The following PLXNB1 variants were observed in gnomAD, a reference collection of about 807,000 sequenced individuals.
PLXNB1 encodes the protein plexin B1.
Under a neutral mutation model 209.4 loss-of-function variants are expected in PLXNB1, and 106 were observed. The observed-to-expected ratio is 0.51, with a 90% confidence interval of 0.43 to 0.59. PLXNB1 has a LOEUF of 0.59. Among genes scored for constraint, PLXNB1 ranks in the 20% least tolerant of loss-of-function variants. The pLI, the probability that PLXNB1 is intolerant of heterozygous loss-of-function variation, is 0.00. For missense variants in PLXNB1, 2,357 were observed against 2,853.2 expected (o/e 0.83, Z 3.96); for synonymous variants, 1,167 against 1,183.2 (o/e 0.99, Z 0.28).
chr3:48,418,385 G>GT lies in PLXNB1; in HGVS notation c.3050-23dup. On this transcript the variant is annotated intron_variant, in intron 14 of 37. Transcript: ENST00000296440. The surrounding 1 kb of genome is among the most constrained non-coding windows in gnomAD (Gnocchi z 6.6). ...ACCACTGGGGGTGGCAGAGACACAC[G>GT]TGAGAGGCAGGCCTGGGAGAGCCCT... is the stretch of plus-strand genomic sequence containing the variant. The GT allele has an allele frequency of 6.2e-7, 1 of 1,613,568 alleles. No individual in the cohort carries two copies. Among genetic ancestry groups the GT allele is most frequent in the Non-Finnish European group, 8.5e-7 (1 of 1,179,994 alleles).
At position 48,424,432 on chromosome 3, in the gene PLXNB1, A is replaced by T; in HGVS notation, c.180T>A (p.Pro60=). The change falls in exon 3 of 38, where the codon CCT becomes CCA. Residue 60 remains proline (P), a synonymous_variant. Transcript: ENST00000296440. ...GATNFLFQLS[P]GLQLEATVST... ...ACACTGTGGCCTCCAGCTGCAGCCC[A>T]GGGCTCAGCTGGAACAGGAAGTTGG... The T allele has an allele frequency of 6.3e-7, 1 of 1,578,294 alleles. No individual in the cohort carries two copies. Among genetic ancestry groups the T allele is most frequent in the Non-Finnish European group, 8.6e-7 (1 of 1,161,624 alleles).
rs1320735700 is a variant in PLXNB1, at chr3:48,418,815, A to G, written c.2955+102T>C. 5.2e-5 allele frequency: 76 copies of G among 1,448,376 alleles called. No homozygotes were observed. Among genetic ancestry groups the G allele is most frequent in the Non-Finnish European group, 7.1e-5 (74 of 1,046,084 alleles). 89.7% of individuals were successfully genotyped at this position (1,448,376 alleles called of 1,614,324 possible). On this transcript the variant is annotated intron_variant, in intron 13 of 37. Transcript: ENST00000296440. This position sits in a 1 kb window ranked among gnomAD's most constrained non-coding sequence, Gnocchi z 6.6. ...GAGACTCCCTCAGGGCGACACGGTC[A>G]GAGCGTGGCTCTGGAAAGTGTGGTG...
chr3:48,425,048 A>C (rs1040109090), intron 2 of PLXNB1, among the ~76,000 whole-genome samples: 1 of 152,138 alleles, frequency 6.6e-6, no homozygotes, highest in African/African-American at 2.4e-5. Flanking sequence ...AAGGAAGGAG[A>C]GGGAGGTCTC....
At position 48,422,905 on chromosome 3, in the gene PLXNB1, T is replaced by C. The variant is rs765726123; in HGVS notation, c.1150A>G (p.Ser384Gly). Residue 384 changes from serine to glycine, a missense_variant, in exon 4 of 38, where the codon AGC (serine) becomes GGC (glycine). Physicochemically the swap from Ser to Gly is moderately conservative, Grantham distance 56. This residue lies in a region of PLXNB1 where 404 missense variants were observed against 443.6 expected (regional missense o/e 0.91). Coordinates refer to ENST00000296440, the MANE Select transcript of PLXNB1 (RefSeq NM_001130082.3). ...AYPCGSDHTP[S>G]PMASRVPLEA... ...AGCGGGACCCGGCTGGCCATGGGGC[T>C]GGGCGTGTGGTCTGAGCCACAGGGA... 6.2e-7 allele frequency: 1 copy of C among 1,614,086 alleles called. No homozygotes were observed. Among genetic ancestry groups the C allele is most frequent in the East Asian group, 2.2e-5 (1 of 44,880 alleles).
In PLXNB1 at chr3:48,412,786, C is replaced by T. The variant is rs1332068017; in HGVS notation, c.4810G>A (p.Gly1604Arg). ...SRRPTVEQGL[G>R]QLSNLLNSKL... Reference sequence around the variant, plus strand: ...CTGTTGAGCAGGTTAGAGAGCTGCCCCAGCCCTTGCTCCACAGTGGGCCGT... The same window carrying T: ...CTGTTGAGCAGGTTAGAGAGCTGCCTCAGCCCTTGCTCCACAGTGGGCCGT... The change falls in exon 25 of 38, where the codon GGG becomes AGG. Residue 1604 changes from glycine to arginine, a missense_variant. This residue lies in a region of PLXNB1 where 743 missense variants were observed against 896.2 expected (regional missense o/e 0.83). Transcript: ENST00000296440. 6.2e-6 allele frequency: 10 copies of T among 1,613,618 alleles called. No individual in the cohort carries two copies. Among genetic ancestry groups the T allele is most frequent in the Non-Finnish European group, 7.6e-6 (9 of 1,180,038 alleles).
rs138777977 is a variant in PLXNB1 at position 48,407,222 on chromosome 3, C to T, written c.6088-131G>A. The T allele has an allele frequency of 1.5e-3, 1,193 of 795,192 alleles. 10 individuals are homozygous for T. The African/African-American group carries it at 0.018, about 12-fold the overall frequency. The allele number at this position is 795,192 out of a possible 1,614,324, so 49.3% of individuals were successfully genotyped here. ...AGGAAAAGTCTCACATCCCAGGAAG[C>T]CCCTGAGTCCCGGAAAACCAGGACA... On this transcript the variant is annotated intron_variant, in intron 34 of 37. Coordinates refer to ENST00000296440, the MANE Select transcript of PLXNB1 (RefSeq NM_001130082.3).
At position 48,421,774 on chromosome 3, in the gene PLXNB1, T is replaced by C; in HGVS notation, c.1553A>G (p.Gln518Arg). Reference protein sequence around the residue: ...CSRRSECSRGQGPEQWLWSFQ... With the variant: ...CSRRSECSRGRGPEQWLWSFQ... ...GCTCCATAGCCACTGCTCTGGGCCCTGGCCCCTCGAGCACTCAGAACGGCG... is the reference window on the plus strand; with the variant it reads ...GCTCCATAGCCACTGCTCTGGGCCCCGGCCCCTCGAGCACTCAGAACGGCG... The change falls in exon 7 of 38, where the codon CAG becomes CGG. Residue 518 changes from glutamine (Q) to arginine (R), a missense_variant. Gln to Arg is a conservative substitution (Grantham distance 43, BLOSUM62 1). Around this residue, in one of 7 missense-constraint regions of PLXNB1, gnomAD observed 214 missense variants for 297.1 expected, o/e 0.72. Transcript: ENST00000296440. 6.2e-7 allele frequency: 1 copy of C among 1,606,548 alleles called. No individual in the cohort carries two copies. The highest frequency in any genetic ancestry group is 8.5e-7 in the Non-Finnish European group (1 of 1,174,034).
In PLXNB1 at chr3:48,404,244, C is replaced by G. The variant is rs190601958; in HGVS notation, c.*242G>C. 1 of 517,558 alleles carries G rather than the reference C, an allele frequency of 1.9e-6. No homozygotes were observed. Among genetic ancestry groups the G allele is most frequent in the East Asian group, 3.2e-5 (1 of 31,466 alleles). The allele number at this position is 517,558 out of a possible 1,614,324, so 32.1% of individuals were successfully genotyped here. ...CCTTAGTCCCCAACTCCCTGCAGAC[C>G]GGTGTCACAGGGTCGCTGGACTCGG... On this transcript the variant is annotated 3_prime_UTR_variant, in exon 38 of 38. Transcript: ENST00000296440.
Position 48,418,693 on chromosome 3 carries a change from A to T in PLXNB1, c.2956-151T>A. 1.2e-6 allele frequency: 1 copy of T among 857,274 alleles called. No individual in the cohort carries two copies. Among genetic ancestry groups the T allele is most frequent in the South Asian group, 1.7e-5 (1 of 60,214 alleles). The allele number at this position is 857,274 out of a possible 1,614,324, so 53.1% of individuals were successfully genotyped here. A position where few individuals can be genotyped will look rare whatever the true frequency, so the allele number is the denominator to read the frequency against. Reference sequence around the variant, plus strand: ...CACAAGTTGGAGGGCAGAGCCAGAAATGGAGTATGGGGACCCCATGGGGTC... The same window carrying T: ...CACAAGTTGGAGGGCAGAGCCAGAATTGGAGTATGGGGACCCCATGGGGTC... On this transcript the variant is annotated intron_variant, in intron 13 of 37. Coordinates refer to ENST00000296440, the MANE Select transcript of PLXNB1 (RefSeq NM_001130082.3). The surrounding 1 kb of genome is among the most constrained non-coding windows in gnomAD (Gnocchi z 6.6).
chr3:48,407,047 C>T lies in PLXNB1; in HGVS notation c.6132G>A (p.Arg2044=), dbSNP rs1321784032. 5.0e-6 allele frequency: 8 copies of T among 1,614,122 alleles called. No homozygotes were observed. The highest frequency in any genetic ancestry group is 1.7e-5 in the Admixed American group (1 of 60,026). Residue 2044 remains arginine (R), a synonymous_variant, in exon 35 of 38, where the codon CGG becomes CGA. Coordinates refer to ENST00000296440, the MANE Select transcript of PLXNB1 (RefSeq NM_001130082.3). The part of the protein sequence containing the change: ...NKLLYARDIP[R]YKRMVERYYA... The stretch of plus-strand genomic sequence containing the variant: ...AGTACCTTTCCACCATCCGCTTGTA[C>T]CGGGGAATGTCCCGTGCATACAGAA...
rs1041225321 is a variant in PLXNB1 at position 48,425,568 on chromosome 3, G to A, written c.-59-235C>T. On this transcript the variant is annotated intron_variant, in intron 1 of 37. Transcript: ENST00000296440. ...AGAGCCAGGCACCCGAGGGGCCTGG[G>A]AAAGGTCAGCTAGGAAGGAGCCCCG... 2.0e-5 allele frequency among the ~76,000 whole-genome samples: 3 copies of A among 151,908 alleles called. No homozygotes were observed. The East Asian group carries it at 5.8e-4, about 29-fold the overall frequency.
At position 48,409,896 on chromosome 3, in the gene PLXNB1, C is replaced by T; in HGVS notation, c.5778+9G>A. The T allele has an allele frequency of 6.2e-7, 1 of 1,608,492 alleles. No individual in the cohort carries two copies. Among genetic ancestry groups the T allele is most frequent in the Non-Finnish European group, 8.5e-7 (1 of 1,177,508 alleles). Reference sequence around the variant, plus strand: ...CCCAGGCCCCACTACCTTGGCAGCCCCACCCCACCTTCATGGACAGCAGGC... The same window carrying T: ...CCCAGGCCCCACTACCTTGGCAGCCTCACCCCACCTTCATGGACAGCAGGC... On this transcript the variant is annotated intron_variant, in intron 32 of 37. Coordinates refer to ENST00000296440, the MANE Select transcript of PLXNB1 (RefSeq NM_001130082.3). This position sits in a 1 kb window ranked among gnomAD's most constrained non-coding sequence, Gnocchi z 5.8.
intron 37 of PLXNB1, 135 bp from the exon 38 acceptor site, chr3:48,404,725 C>T (rs536784945): frequency 1.7e-6 from 1 of 601,462 alleles, no homozygotes; most frequent in South Asian, 2.1e-5. Flanking sequence ...ACTTCACGTA[C>T]TTTCTGGGAC....
At position 48,416,153 on chromosome 3, in the gene PLXNB1, A is replaced by G. The variant is rs1010603899; in HGVS notation, c.3495T>C (p.His1165=). 7 of 1,595,750 alleles carry G rather than the reference A, an allele frequency of 4.4e-6. No homozygotes were observed. Among genetic ancestry groups the G allele is most frequent in the Non-Finnish European group, 6.0e-6 (7 of 1,171,228 alleles). ...HDFAYQDPKV[H]SIFPARGPRA... ...TGGGGCCGCGGGCCGGGAAGATGGAATGGACCTTCGGATCCTGTGGGACAG... is the reference window on the plus strand; with the variant it reads ...TGGGGCCGCGGGCCGGGAAGATGGAGTGGACCTTCGGATCCTGTGGGACAG... Residue 1165 remains histidine (H), a synonymous_variant, in exon 18 of 38, where the codon CAT becomes CAC. Coordinates refer to ENST00000296440, the MANE Select transcript of PLXNB1 (RefSeq NM_001130082.3). This position sits in a 1 kb window ranked among gnomAD's most constrained non-coding sequence, Gnocchi z 4.1.
intron 37 of PLXNB1, among the ~76,000 whole-genome samples, 190 bp from the exon 38 acceptor site, chr3:48,404,780 G>A (rs958379977): frequency 1.3e-5 from 2 of 152,036 alleles, no homozygotes; most frequent in Non-Finnish European, 1.5e-5. Context: ...CAAAGTCACC[G>A]CGGGGTTCCA....
Position 48,422,289 on chromosome 3 carries a change from C to G in PLXNB1, c.1419+42G>C, listed in dbSNP as rs746129419. 6.2e-6 allele frequency: 10 copies of G among 1,610,712 alleles called. No homozygotes were observed. The South Asian group carries it at 1.1e-4, about 18-fold the overall frequency. The stretch of plus-strand genomic sequence containing the variant: ...GTGGGTCCCTGGCCCCACCCAGAGG[C>G]CCCTCCCAGCAGCCATGCCCTGGCT... On this transcript the variant is annotated intron_variant, in intron 5 of 37. Transcript: ENST00000296440.
chr3:48,421,657 C>T lies in PLXNB1; in HGVS notation c.1653+17G>A, dbSNP rs376222166. 7 of 1,586,346 alleles carry T rather than the reference C, an allele frequency of 4.4e-6. No individual in the cohort carries two copies. The highest frequency in any genetic ancestry group is 4.0e-5 in the African/African-American group (3 of 74,378). On this transcript the variant is annotated intron_variant, in intron 7 of 37. Coordinates refer to ENST00000296440, the MANE Select transcript of PLXNB1 (RefSeq NM_001130082.3). ...CAGAGCCCTCCCCACCAGGGCCCTG[C>T]CTATCTGATCATTCACCTCCCTCGT...
At position 48,421,516 on chromosome 3, in the gene PLXNB1, T is replaced by C. The variant is rs2038516814; in HGVS notation, c.1654-132A>G. 1.3e-5 allele frequency: 16 copies of C among 1,233,556 alleles called. No individual in the cohort carries two copies. The South Asian group carries it at 2.3e-4, about 17-fold the overall frequency. The allele number at this position is 1,233,556 out of a possible 1,614,324, so 76.4% of individuals were successfully genotyped here. A position where few individuals can be genotyped will look rare whatever the true frequency, so the allele number is the denominator to read the frequency against. On this transcript the variant is annotated intron_variant, in intron 7 of 37. Transcript: ENST00000296440. ...AGGCCTCCCCAAACACCCTCTGGCC[T>C]GAGTTAGAAATAGATGGGGAAACTG...
At chr3:48,414,675 A>C (rs1046017165) in intron 21 of PLXNB1, 124 bp downstream of exon 21, 3 of 1,195,232 alleles carry the variant, frequency 2.5e-6, no homozygotes, top group Non-Finnish European at 2.4e-6. Flanking sequence ...CACAGCAAGG[A>C]TGAGGAGCCA....
Sources: allele counts gnomAD v4.1 joint callset (sites outside exome capture counted in the v4.1 genomes callset), GRCh38; gene constraint gnomAD v4.1.1; regional missense constraint gnomAD v4.1.1; non-coding constraint Gnocchi (gnomAD v3.1); transcripts MANE v1.5; gene names NCBI Gene and HGNC (gene_info 2026-07-23, HGNC 2026-07-21).